TENM1: variants seen among roughly 807,000 people sequenced by gnomAD.
The protein encoded by TENM1 is teneurin-1.
A neutral mutation model predicts 174.8 loss-of-function variants in TENM1; 35 were observed. That is an observed-to-expected ratio of 0.20 (90% CI 0.15 to 0.27). The LOEUF (loss-of-function observed/expected upper bound fraction) is 0.27, where lower values mean the gene tolerates loss of function less well. Among genes scored for constraint, TENM1 ranks in the 10% least tolerant of loss-of-function variants. The pLI, the probability that TENM1 is intolerant of heterozygous loss-of-function variation, is 1.00. For synonymous variants in TENM1, 781 were observed against 798.7 expected (o/e 0.98, Z 0.37); for missense variants, 1,633 against 2,130.1 (o/e 0.77, Z 4.59).
chrX:124,852,013 G>T (rs1439811045), intron 3 of TENM1, among the ~76,000 whole-genome samples: 1 of 111,492 alleles, frequency 9.0e-6, no homozygotes, highest in East Asian at 2.8e-4. Context: ...ACTGGCTATT[G>T]AATAGTGCTT....
At chrX:125,011,241 C>T in the TENM1 span, among the ~76,000 whole-genome samples, 3 of 111,640 alleles carry the variant, frequency 2.7e-5, no homozygotes, top group South Asian at 7.5e-4. Flanking sequence ...TAGAAGAAAA[C>T]GTAGGTAATA....
At chrX:124,749,669 C>T (rs957953567) in intron 3 of TENM1, among the ~76,000 whole-genome samples, 14 of 111,628 alleles carry the variant, frequency 1.3e-4, no homozygotes, top group Non-Finnish European at 2.3e-4. Context: ...CAAACGATGA[C>T]GACTATTTAG....
At chrX:124,475,342 C>T (rs911190522) in intron 22 of TENM1, among the ~76,000 whole-genome samples, 1 of 111,643 alleles carries the variant, frequency 9.0e-6, no homozygotes, top group African/African-American at 3.3e-5. Context: ...TTTATCTTTC[C>T]ATTGACTGAT....
intron 11 of TENM1, among the ~76,000 whole-genome samples, chrX:124,603,611 C>T (rs147641591): frequency 1.2e-3 from 138 of 111,863 alleles, no homozygotes; most frequent in African/African-American, 4.1e-3. Context: ...TTAACCACTA[C>T]ACTAAACTGC....
chrX:124,764,681 GT>G (rs201275180), intron 3 of TENM1, among the ~76,000 whole-genome samples: 13,459 of 88,540 alleles, frequency 0.15, 985 homozygotes, highest in African/African-American at 0.29. Context: ...TGTTTGGACT[GT>G]TTTTTTTTTT....
chrX:124,647,414 T>C (rs1425530856), intron 8 of TENM1, among the ~76,000 whole-genome samples: 1 of 111,429 alleles, frequency 9.0e-6, no homozygotes, highest in Admixed American at 9.5e-5. Flanking sequence ...GAACTGTAAA[T>C]GCTTATCCGT....
intron 1 of TENM1, among the ~76,000 whole-genome samples, chrX:124,897,595 A>C (rs1258601180): frequency 8.9e-6 from 1 of 112,722 alleles, no homozygotes; most frequent in African/African-American, 3.2e-5. Context: ...TTGTTTACTT[A>C]ATACCACTAG....
At chrX:124,962,706 T>C (rs1042827865) in intron 1 of TENM1, among the ~76,000 whole-genome samples, 2 of 110,344 alleles carry the variant, frequency 1.8e-5, no homozygotes, top group Admixed American at 1.9e-4. Flanking sequence ...TAATCCCAGC[T>C]ACTCAGGTGG....
At chrX:124,922,123 T>C (rs2058031560) in intron 1 of TENM1, among the ~76,000 whole-genome samples, 1 of 111,441 alleles carries the variant, frequency 9.0e-6, no homozygotes, top group Non-Finnish European at 1.9e-5. Context: ...TTTTGAATTC[T>C]TACATGTCCT....
At chrX:125,070,077 G>A in the TENM1 span, among the ~76,000 whole-genome samples, 1 of 110,051 alleles carries the variant, frequency 9.1e-6, no homozygotes, top group Non-Finnish European at 1.9e-5. Context: ...TGTGGTCTTA[G>A]CTACTCAGTA....
At chrX:124,645,742 G>C (rs1265089452) in intron 9 of TENM1, among the ~76,000 whole-genome samples, 1 of 112,263 alleles carries the variant, frequency 8.9e-6, no homozygotes, top group Non-Finnish European at 1.9e-5. Flanking sequence ...TTAAAAAGTT[G>C]TGTAATTAAA....
intron 1 of TENM1, among the ~76,000 whole-genome samples, chrX:124,901,441 T>C (rs6649298): frequency 0.11 from 12,418 of 111,350 alleles, 699 homozygotes; most frequent in East Asian, 0.47. Flanking sequence ...TATAGCTATC[T>C]GTATCAGTGT....
At chrX:125,089,098 A>G in the TENM1 span, among the ~76,000 whole-genome samples, 16,108 of 110,869 alleles carry the variant, frequency 0.15, 985 homozygotes, top group Admixed American at 0.3. Flanking sequence ...AATATCAAGC[A>G]TAAATTCTAG....
At chrX:124,396,568 T>C (rs2060337257) in intron 27 of TENM1, among the ~76,000 whole-genome samples, 1 of 110,525 alleles carries the variant, frequency 9.0e-6, no homozygotes, top group African/African-American at 3.3e-5. Context: ...CCTCCCAAAG[T>C]GCTGGGATTA....
chrX:124,984,713 T>C, the TENM1 span, among the ~76,000 whole-genome samples: 3 of 112,335 alleles, frequency 2.7e-5, no homozygotes, highest in Admixed American at 2.8e-4. Context: ...CTAACAATGA[T>C]AAATTCTCTC....
chrX:124,682,494 G>T (rs1179708093), intron 5 of TENM1, among the ~76,000 whole-genome samples: 2 of 111,219 alleles, frequency 1.8e-5, no homozygotes, highest in Non-Finnish European at 3.8e-5. Flanking sequence ...GCACAAGTAA[G>T]GGAATCTGTC....
chrX:124,656,230 T>G (rs1422492618), intron 6 of TENM1, among the ~76,000 whole-genome samples: 3 of 112,303 alleles, frequency 2.7e-5, no homozygotes, highest in African/African-American at 9.7e-5. Context: ...TATTAAAACC[T>G]TACCAAATAC....
At chrX:125,153,552 G>A in the TENM1 span, among the ~76,000 whole-genome samples, 1 of 112,087 alleles carries the variant, frequency 8.9e-6, no homozygotes, top group East Asian at 2.8e-4. Context: ...TCTAACATTT[G>A]TAGAGCTTTC....
At chrX:124,592,945 G>A (rs1418245187) in intron 11 of TENM1, among the ~76,000 whole-genome samples, 1 of 110,894 alleles carries the variant, frequency 9.0e-6, no homozygotes, top group African/African-American at 3.3e-5. Flanking sequence ...GTAAGAGCTA[G>A]CTAGCTACAG....
Sources: gnomAD v4.1 joint callset for allele counts (sites outside exome capture counted in the v4.1 genomes callset) on GRCh38, gnomAD v4.1.1 for gene constraint, MANE v1.5 for transcripts, NCBI Gene and HGNC (gene_info 2026-07-23, HGNC 2026-07-21) for gene names.